HIVEP1: variants seen among roughly 807,000 people sequenced by gnomAD.
The protein encoded by HIVEP1 is zinc finger protein 40.
In HIVEP1, 36 loss-of-function variants were observed where a neutral mutation model predicts 180.0. The ratio of observed to expected loss-of-function variants is 0.20; its 90% CI spans 0.15 to 0.26. The LOEUF (loss-of-function observed/expected upper bound fraction) is 0.26, where lower values mean the gene tolerates loss of function less well. HIVEP1 is among the 10% of genes least tolerant of loss of function. The probability of loss-of-function intolerance (pLI) is 1.00; values close to 1 mark genes in which losing one functional copy is unlikely to be tolerated. For missense variants in HIVEP1, 3,143 were observed against 3,268.7 expected, an observed-to-expected ratio of 0.96 and a Z score of 0.94; for synonymous variants, 1,239 against 1,239.0, an observed-to-expected ratio of 1.00 and a Z score of 0.00.
At chr6:12,082,514 T>C (rs1772852177) in intron 2 of HIVEP1, among the ~76,000 whole-genome samples, 1 of 152,130 alleles carries the variant, frequency 6.6e-6, no homozygotes, top group South Asian at 2.1e-4. Flanking sequence ...GTCAAATTTT[T>C]TCATAGAAAG....
chr6:12,020,473 G>C lies in HIVEP1; in HGVS notation c.40+4805G>C, dbSNP rs374182092. The C allele has an allele frequency of 1.1e-4, 50 of 470,894 alleles. No individual in the cohort carries two copies. The East Asian group carries it at 1.4e-3, about 13-fold the overall frequency. 29.2% of individuals were successfully genotyped at this position (470,894 alleles called of 1,614,324 possible). On this transcript the variant is annotated intron_variant, in intron 2 of 8. Coordinates refer to ENST00000379388, the MANE Select transcript of HIVEP1 (RefSeq NM_002114.4). The stretch of plus-strand genomic sequence containing the variant: ...TCCCAGCCATCATTCCTTACTCATC[G>C]CTGCTCTGTGGAGGGGTTATCTCCA...
chr6:12,109,682 T>A (rs1774759200), intron 3 of HIVEP1, among the ~76,000 whole-genome samples: 1 of 152,236 alleles, frequency 6.6e-6, no homozygotes, highest in Admixed American at 6.5e-5. Context: ...CTTCCTCCAC[T>A]GAAGTCTTGA....
chr6:12,014,797 A>G (rs1446951276), intron 1 of HIVEP1, among the ~76,000 whole-genome samples: 3 of 152,234 alleles, frequency 2.0e-5, no homozygotes, highest in Admixed American at 6.5e-5. Context: ...GTGCTGCAGT[A>G]ACAAATAACT....
chr6:12,036,174 T>C (rs1769263704), intron 2 of HIVEP1, among the ~76,000 whole-genome samples: 1 of 152,216 alleles, frequency 6.6e-6, no homozygotes, highest in African/African-American at 2.4e-5. Flanking sequence ...CCTAAGGAAA[T>C]AATTCAGCTG....
chr6:12,197,413 G>A, the HIVEP1 span, among the ~76,000 whole-genome samples: 65 of 152,118 alleles, frequency 4.3e-4, no homozygotes, highest in East Asian at 8.3e-3. Context: ...ACAAAAATTA[G>A]CCAGGTGTGG....
At chr6:12,071,443 C>A (rs1196466026) in intron 2 of HIVEP1, among the ~76,000 whole-genome samples, 1 of 152,200 alleles carries the variant, frequency 6.6e-6, no homozygotes, top group Non-Finnish European at 1.5e-5. Context: ...ACCATTGTTC[C>A]CCAAATATTG....
intron 8 of HIVEP1, among the ~76,000 whole-genome samples, chr6:12,162,670 T>A (rs1001180944): frequency 3.9e-5 from 6 of 152,240 alleles, no homozygotes; most frequent in Non-Finnish European, 2.9e-5. Flanking sequence ...TTATGCCTAA[T>A]TGTGGCAGAT....
At chr6:12,114,497 A>G (rs1775099526) in intron 3 of HIVEP1, among the ~76,000 whole-genome samples, 1 of 151,044 alleles carries the variant, frequency 6.6e-6, no homozygotes, top group African/African-American at 2.4e-5. Context: ...CTCATGTCAG[A>G]CCTCCCCTCT....
chr6:12,176,895 G>T, the HIVEP1 span, among the ~76,000 whole-genome samples: 1 of 152,136 alleles, frequency 6.6e-6, no homozygotes, highest in African/African-American at 2.4e-5. Flanking sequence ...CAATAGCAAA[G>T]ATATGGAATC....
chr6:12,094,306 C>G (rs1225278435), intron 3 of HIVEP1, among the ~76,000 whole-genome samples: 2 of 151,938 alleles, frequency 1.3e-5, no homozygotes, highest in South Asian at 4.1e-4. Flanking sequence ...TTTGTTTCTT[C>G]ATTTTGAAAT....
intron 2 of HIVEP1, among the ~76,000 whole-genome samples, chr6:12,051,107 T>C (rs1285411899): frequency 6.7e-6 from 1 of 150,106 alleles, no homozygotes; most frequent in East Asian, 1.9e-4. Flanking sequence ...CTCCTTTCTC[T>C]CACAGCGAGA....
downstream of HIVEP1, among the ~76,000 whole-genome samples, chr6:12,166,594 A>G (rs577167319): frequency 6.6e-6 from 1 of 152,354 alleles, no homozygotes; most frequent in African/African-American, 2.4e-5. Flanking sequence ...CTAAGCCATT[A>G]TATTTTGAAA....
At chr6:12,054,253 G>A (rs1770721067) in intron 2 of HIVEP1, among the ~76,000 whole-genome samples, 1 of 152,162 alleles carries the variant, frequency 6.6e-6, no homozygotes, top group African/African-American at 2.4e-5. Context: ...ACTATGGTAT[G>A]AAAAACAGTA....
chr6:12,055,945 T>C (rs1239483502), intron 2 of HIVEP1, among the ~76,000 whole-genome samples: 1 of 152,202 alleles, frequency 6.6e-6, no homozygotes, highest in African/African-American at 2.4e-5. Context: ...CTGTACTATA[T>C]GTAATATTCG....
intron 7 of HIVEP1, among the ~76,000 whole-genome samples, chr6:12,160,951 A>G (rs2113684813): frequency 6.6e-6 from 1 of 152,304 alleles, no homozygotes; most frequent in Non-Finnish European, 1.5e-5. Context: ...ATACTATTCA[A>G]ATCTAAAGAA....
chr6:12,014,744 G>A (rs976709370), intron 1 of HIVEP1, among the ~76,000 whole-genome samples: 1 of 152,200 alleles, frequency 6.6e-6, no homozygotes, highest in African/African-American at 2.4e-5. Flanking sequence ...TTATATTTCA[G>A]ATCACTGTGT....
At chr6:12,199,057 C>T in the HIVEP1 span, among the ~76,000 whole-genome samples, 1 of 152,226 alleles carries the variant, frequency 6.6e-6, no homozygotes, top group Non-Finnish European at 1.5e-5. Flanking sequence ...AGGCAGCAGT[C>T]ACTGTGCCAG....
At chr6:12,058,392 G>C (rs148601816) in intron 2 of HIVEP1, among the ~76,000 whole-genome samples, 1 of 152,130 alleles carries the variant, frequency 6.6e-6, no homozygotes, top group South Asian at 2.1e-4. Flanking sequence ...TTACATTTTA[G>C]TTCCACTCCC....
At chr6:12,049,251 A>G (rs1009037767) in intron 2 of HIVEP1, among the ~76,000 whole-genome samples, 4 of 152,202 alleles carry the variant, frequency 2.6e-5, no homozygotes, top group African/African-American at 7.2e-5. Context: ...GTCAGGATTC[A>G]CCTGTTTTTA....
Sources: gnomAD v4.1 joint callset for allele counts (sites outside exome capture counted in the v4.1 genomes callset) on GRCh38, gnomAD v4.1.1 for gene constraint, MANE v1.5 for transcripts, NCBI Gene and HGNC (gene_info 2026-07-23, HGNC 2026-07-21) for gene names.